Variants in CECR2 observed in about 807,000 individuals in gnomAD.
The protein encoded by CECR2 is CECR2 histone acetyl-lysine reader, also known as chromatin remodeling regulator CECR2.
A neutral mutation model predicts 154.5 loss-of-function variants in CECR2; 30 were observed. The ratio of observed to expected loss-of-function variants is 0.19; its 90% CI spans 0.15 to 0.26. The LOEUF is 0.26. Ranked by LOEUF, CECR2 falls within the 10% of genes least tolerant of loss-of-function variation. The pLI is 1.00. For synonymous variants in CECR2, 725 were observed against 683.7 expected (o/e 1.06, Z -0.94); for missense variants, 1,743 against 1,829.3 (o/e 0.95, Z 0.86).
At chr22:17,474,003 G>C (rs2055169021) in intron 1 of CECR2, among the ~76,000 whole-genome samples, 1 of 152,144 alleles carries the variant, frequency 6.6e-6, no homozygotes, top group Non-Finnish European at 1.5e-5. Flanking sequence ...AGGATGGTGA[G>C]ACCAGGGCTT....
intron 7 of CECR2, among the ~76,000 whole-genome samples, chr22:17,507,421 CAA>C (rs1296083052): frequency 1.3e-5 from 2 of 152,146 alleles, no homozygotes; most frequent in South Asian, 2.1e-4. Context: ...CTTAAAGTAA[CAA>C]TGATGTAAAG....
rs1427842958 is a variant in CECR2 at position 17,554,954 on chromosome 22, C to T, written c.*2114C>T. The stretch of plus-strand genomic sequence containing the variant: ...GGTCTAGGCCCAGAGAATTTGGCCA[C>T]TGACAGCCTTTCTCTTTTCCTGGTA... On this transcript the variant is annotated 3_prime_UTR_variant, in exon 19 of 19. Coordinates refer to ENST00000262608, the MANE Select transcript of CECR2 (RefSeq NM_001290047.2). The T allele has an allele frequency of 6.6e-6, 1 of 152,268 alleles. No individual in the cohort carries two copies. The highest frequency in any genetic ancestry group is 2.4e-5 in the African/African-American group (1 of 41,452). 9.4% of individuals were successfully genotyped at this position (152,268 alleles called of 1,614,324 possible).
At position 17,549,226 on chromosome 22, in the gene CECR2, A is replaced by G; in HGVS notation, c.3939A>G (p.Ser1313=). 1 of 1,614,064 alleles carries G rather than the reference A, an allele frequency of 6.2e-7. No individual in the cohort carries two copies. ...CTACCAAGCGGCAGAGCTCGTTGTC[A>G]GCCAGCGAGTATCTCTATGGAACTC... ...NAATKRQSSL[S]ASEYLYGTPP... The change falls in exon 17 of 19, where the codon TCA becomes TCG. Residue 1313 remains serine, a synonymous_variant. Coordinates refer to ENST00000262608, the MANE Select transcript of CECR2 (RefSeq NM_001290047.2).
chr22:17,535,141 A>G (rs901796201), intron 9 of CECR2, among the ~76,000 whole-genome samples: 19 of 150,570 alleles, frequency 1.3e-4, no homozygotes, highest in African/African-American at 1.7e-4. Flanking sequence ...ACAGAGTGAG[A>G]CTCCATCTCA....
intron 4 of CECR2, among the ~76,000 whole-genome samples, chr22:17,500,181 A>G (rs2055709430): frequency 6.7e-6 from 1 of 148,318 alleles, no homozygotes; most frequent in Non-Finnish European, 1.5e-5. Context: ...ACTGCACTCC[A>G]GCCTGGGCGA....
intron 1 of CECR2, among the ~76,000 whole-genome samples, chr22:17,418,496 G>C (rs1160735915): frequency 2.0e-5 from 3 of 152,082 alleles, no homozygotes; most frequent in African/African-American, 7.2e-5. Flanking sequence ...CCTTTTACTT[G>C]TATCCGTTCA....
chr22:17,529,471 T>A (rs1653019670), intron 9 of CECR2, among the ~76,000 whole-genome samples: 1 of 152,158 alleles, frequency 6.6e-6, no homozygotes, highest in Non-Finnish European at 1.5e-5. Flanking sequence ...AAGGCCGAAG[T>A]GGGCGAATCA....
chr22:17,435,773 C>T (rs574017242), intron 1 of CECR2, among the ~76,000 whole-genome samples: 50 of 151,436 alleles, frequency 3.3e-4, no homozygotes, highest in African/African-American at 1.2e-3. Context: ...GTCATCCCAT[C>T]CCTTATACAG....
upstream of CECR2, among the ~76,000 whole-genome samples, chr22:17,368,511 GA>G: frequency 6.6e-6 from 1 of 152,054 alleles, no homozygotes; most frequent in Admixed American, 6.5e-5. Context: ...TTTTTCTTAG[GA>G]TTTAGCAGTA....
intron 1 of CECR2, among the ~76,000 whole-genome samples, chr22:17,363,182 T>C (rs1379880838): frequency 5.9e-5 from 9 of 151,510 alleles, no homozygotes; most frequent in Non-Finnish European, 1.2e-4. Flanking sequence ...ACCGAGTAGC[T>C]GGGACTACAG....
At chr22:17,390,915 G>A (rs1176633936) in intron 1 of CECR2, among the ~76,000 whole-genome samples, 1 of 152,100 alleles carries the variant, frequency 6.6e-6, no homozygotes, top group Non-Finnish European at 1.5e-5. Context: ...TAAAGCTTCA[G>A]CTTTTTAAAG....
At chr22:17,445,838 C>T (rs1286707903) in intron 1 of CECR2, among the ~76,000 whole-genome samples, 2 of 152,168 alleles carry the variant, frequency 1.3e-5, no homozygotes, top group Non-Finnish European at 2.9e-5. Context: ...AGTGATCCTC[C>T]TGCCTCAGCC....
rs778560536 is a variant in CECR2, at chr22:17,549,431, G to A, written c.4144G>A (p.Gly1382Ser). Residue 1382 changes from glycine (G) to serine (S), a missense_variant, in exon 17 of 19, where the codon GGC becomes AGC. By Grantham distance (56) the Gly-to-Ser change is moderately conservative (BLOSUM62 0). Around this residue, in one of 4 missense-constraint regions of CECR2, gnomAD observed 1,250 missense variants for 1,192.1 expected, o/e 1.05. Transcript: ENST00000262608. Reference protein sequence around the residue: ...PHHPGATQPNGLSQEGPIYRC... With the variant: ...PHHPGATQPNSLSQEGPIYRC... ...CCACCCAGGGGCCACCCAGCCCAAC[G>A]GCCTCTCTCAGGAGGGTCCCATCTA... 5.6e-6 allele frequency: 9 copies of A among 1,613,112 alleles called. No individual in the cohort carries two copies. Among genetic ancestry groups the A allele is most frequent in the Admixed American group, 1.7e-5 (1 of 59,816 alleles).
At chr22:17,378,662 T>C (rs2063149512) in intron 1 of CECR2, among the ~76,000 whole-genome samples, 2 of 152,206 alleles carry the variant, frequency 1.3e-5, no homozygotes, top group African/African-American at 4.8e-5. Flanking sequence ...ATGACAAATA[T>C]AAATGTCTCC....
At chr22:17,374,922 C>A (rs902724524) in intron 1 of CECR2, among the ~76,000 whole-genome samples, 37 of 151,974 alleles carry the variant, frequency 2.4e-4, no homozygotes, top group Non-Finnish European at 4.3e-4. Context: ...CTGTTTCTAC[C>A]ACATCGCACT....
At chr22:17,489,133 C>T (rs2055479007) in intron 2 of CECR2, among the ~76,000 whole-genome samples, 1 of 152,078 alleles carries the variant, frequency 6.6e-6, no homozygotes, top group Non-Finnish European at 1.5e-5. Flanking sequence ...GGGGTTTCAC[C>T]ATGTTAATCA....
chr22:17,481,342 C>CAA (rs10714119), intron 2 of CECR2, among the ~76,000 whole-genome samples: 34 of 73,740 alleles, frequency 4.6e-4, no homozygotes, highest in Middle Eastern at 7.7e-3. Flanking sequence ...GACTCTGTCT[C>CAA]AAAAAAAAAA....
chr22:17,502,871 G>A (rs1273826430), intron 5 of CECR2, among the ~76,000 whole-genome samples: 1 of 152,130 alleles, frequency 6.6e-6, no homozygotes, highest in Non-Finnish European at 1.5e-5. Context: ...ATAACATAGG[G>A]TAGCTGTATG....
intron 1 of CECR2, among the ~76,000 whole-genome samples, chr22:17,360,820 G>A (rs1416463047): frequency 2.0e-5 from 3 of 150,712 alleles, no homozygotes; most frequent in Non-Finnish European, 4.4e-5. Flanking sequence ...CTCCAGCCTG[G>A]GCAATAAAGT....
Sources: gnomAD v4.1 joint callset for allele counts (sites outside exome capture counted in the v4.1 genomes callset) on GRCh38, gnomAD v4.1.1 for gene constraint, gnomAD v4.1.1 regional missense constraint, MANE v1.5 for transcripts, NCBI Gene and HGNC (gene_info 2026-07-23, HGNC 2026-07-21) for gene names.